The following LIM2 variants were observed in gnomAD, a reference collection of about 807,000 sequenced individuals.
The protein encoded by LIM2 is lens fiber membrane intrinsic protein.
A neutral mutation model predicts 19.0 loss-of-function variants in LIM2; 14 were observed. That is an observed-to-expected ratio of 0.74 (90% CI 0.49 to 1.15). The LOEUF is 1.15. LIM2 is among the 50% of genes most tolerant of loss of function. The probability of loss-of-function intolerance (pLI) is 0.00; values close to 1 mark genes in which losing one functional copy is unlikely to be tolerated. For missense variants in LIM2, 230 were observed against 243.5 expected (o/e 0.94, Z 0.37); for synonymous variants, 78 against 89.6 (o/e 0.87, Z 0.73).
At chr19:51,383,711 C>G (rs1328943885) in intron 2 of LIM2, among the ~76,000 whole-genome samples, 1 of 152,158 alleles carries the variant, frequency 6.6e-6, no homozygotes, top group Non-Finnish European at 1.5e-5. Context: ...CATTTTTATG[C>G]TTCTTTTTCA....
At position 51,387,469 on chromosome 19, in the gene LIM2, T is replaced by C; in HGVS notation, c.-6-20A>G. 6.2e-7 allele frequency: 1 copy of C among 1,612,400 alleles called. No homozygotes were observed. The highest frequency in any genetic ancestry group is 1.1e-5 in the South Asian group (1 of 90,998). ...GGTGATCTGTGGGGAAGGGGAGAGA[T>C]GGGATTGGGAGCTGAATTCCCGGGA... On this transcript the variant is annotated intron_variant, in intron 1 of 4. Transcript: ENST00000596399.
At chr19:51,383,831 T>C (rs1255816226) in intron 2 of LIM2, among the ~76,000 whole-genome samples, 3 of 152,196 alleles carry the variant, frequency 2.0e-5, no homozygotes, top group African/African-American at 4.8e-5. Flanking sequence ...CCTAACTGCT[T>C]GGCTATTCTG....
chr19:51,381,508 C>A, intron 3 of LIM2, among the ~76,000 whole-genome samples: 1 of 152,066 alleles, frequency 6.6e-6, no homozygotes, highest in East Asian at 1.9e-4. Flanking sequence ...CAGTGGCGCT[C>A]CCTATTGGTG....
At position 51,379,959 on chromosome 19, in the gene LIM2, T is replaced by C. The variant is rs946020668; in HGVS notation, c.*242A>G. The C allele has an allele frequency of 1.7e-6, 1 of 595,284 alleles. No individual in the cohort carries two copies. The highest frequency in any genetic ancestry group is 3.0e-6 in the Non-Finnish European group (1 of 334,368). 36.9% of individuals were successfully genotyped at this position (595,284 alleles called of 1,614,324 possible). On this transcript the variant is annotated 3_prime_UTR_variant, in exon 5 of 5. Coordinates refer to ENST00000596399, the MANE Select transcript of LIM2 (RefSeq NM_001161748.2). Reference sequence around the variant, plus strand: ...CCCAGAAAGTTGCTCTAATGGATAGTCCATTTTTCTAACAACCTGCCAGGC... The same window carrying C: ...CCCAGAAAGTTGCTCTAATGGATAGCCCATTTTTCTAACAACCTGCCAGGC...
chr19:51,383,583 G>A (rs61426483), intron 2 of LIM2, among the ~76,000 whole-genome samples: 1,955 of 152,228 alleles, frequency 0.013, 46 homozygotes, highest in African/African-American at 0.045. Context: ...GCCCAGGGAT[G>A]GCCCCTCAGG....
At chr19:51,383,758 T>C (rs1599862214) in intron 2 of LIM2, among the ~76,000 whole-genome samples, 1 of 152,310 alleles carries the variant, frequency 6.6e-6, no homozygotes, top group Non-Finnish European at 1.5e-5. Context: ...TAAAGTGACT[T>C]GCCCGAAGTC....
chr19:51,384,013 G>A (rs906747900), intron 2 of LIM2, among the ~76,000 whole-genome samples: 18 of 152,150 alleles, frequency 1.2e-4, no homozygotes, highest in Admixed American at 2.6e-4. Flanking sequence ...TCTGTCCCCC[G>A]CCTCAAATGT....
At chr19:51,380,327 G>A in intron 4 of LIM2, 65 bp from the exon 5 acceptor site, 1 of 1,590,358 alleles carries the variant, frequency 6.3e-7, no homozygotes, top group Non-Finnish European at 8.6e-7. Context: ...CACCCCAAGA[G>A]AGCCCAACAC....
intron 1 of LIM2, 97 bp downstream of exon 1, chr19:51,387,822 G>T (rs73562108): frequency 3.5e-6 from 1 of 287,778 alleles, no homozygotes; most frequent in Non-Finnish European, 6.7e-6. Context: ...AGGGGCTAGG[G>T]GGTAGGACAC....
rs1357272477 is a variant in LIM2 at position 51,387,302 on chromosome 19, C to T, written c.142G>A (p.Gly48Ser). Reference sequence around the variant, plus strand: ...TCTGTCTGCAGGTAGCACTTGTTGCCCAGGCAGTACCGCCACAGGCCCTGG... The same window carrying T: ...TCTGTCTGCAGGTAGCACTTGTTGCTCAGGCAGTACCGCCACAGGCCCTGG... ...AHQGLWRYCLGNKCYLQTDSI... is the reference protein window; with the variant it reads ...AHQGLWRYCLSNKCYLQTDSI... The change falls in exon 2 of 5, where the codon GGC becomes AGC. Residue 48 changes from glycine to serine, a missense_variant. Transcript: ENST00000596399. 1.2e-6 allele frequency: 2 copies of T among 1,614,148 alleles called. No homozygotes were observed. The highest frequency in any genetic ancestry group is 1.7e-6 in the Non-Finnish European group (2 of 1,180,036).
At position 51,380,516 on chromosome 19, in the gene LIM2, G is replaced by A. The variant is rs747800845; in HGVS notation, c.449C>T (p.Thr150Met). ...CTTGCCCCCAGTACCTGCGAAGAAC[G>A]TCATGAGCACTGCCACCCAGCCCAG... is the stretch of plus-strand genomic sequence containing the variant. ...YILGWVAVLM[T>M]FFAGIFYMCA... Residue 150 changes from threonine to methionine, a missense_variant, in exon 4 of 5, where the codon ACG becomes ATG. Coordinates refer to ENST00000596399, the MANE Select transcript of LIM2 (RefSeq NM_001161748.2). 28 of 1,614,014 alleles carry A rather than the reference G, an allele frequency of 1.7e-5. No individual in the cohort carries two copies. Among genetic ancestry groups the A allele is most frequent in the Middle Eastern group, 1.6e-4 (1 of 6,082 alleles).
intron 3 of LIM2, 100 bp downstream of exon 3, chr19:51,382,318 G>A: frequency 7.2e-7 from 1 of 1,388,382 alleles, no homozygotes; most frequent in Non-Finnish European, 1.0e-6. Context: ...GGTTGAGTGT[G>A]AGGAGGAGTA....
At chr19:51,387,516 G>T (rs756688215) in intron 1 of LIM2, 67 bp from the exon 2 acceptor site, 1 of 1,603,676 alleles carries the variant, frequency 6.2e-7, no homozygotes, top group Non-Finnish European at 8.5e-7. Context: ...GAACTGGGGG[G>T]AGAGAGGGCT....
chr19:51,387,529 G>A, intron 1 of LIM2, 80 bp from the exon 2 acceptor site: 15 of 1,587,960 alleles, frequency 9.4e-6, no homozygotes, highest in Non-Finnish European at 1.3e-5. Context: ...AGAGGGCTCA[G>A]GAGTGGGATG....
intron 4 of LIM2, 56 bp from the exon 5 acceptor site, chr19:51,380,318 A>C: frequency 1.3e-6 from 2 of 1,596,892 alleles, no homozygotes; most frequent in Non-Finnish European, 1.7e-6. Flanking sequence ...CTCCATTTCC[A>C]CCCCAAGAGA....
chr19:51,382,465 G>A lies in LIM2; in HGVS notation c.278C>T (p.Ser93Phe), dbSNP rs1267227291. The A allele has an allele frequency of 6.2e-7, 1 of 1,614,032 alleles. No homozygotes were observed. The highest frequency in any genetic ancestry group is 1.3e-5 in the African/African-American group (1 of 74,990). Residue 93 changes from serine (S) to phenylalanine (F), a missense_variant, in exon 3 of 5, where the codon TCC becomes TTC. By Grantham distance (155) the Ser-to-Phe change is radical (BLOSUM62 -2). Transcript: ENST00000596399. The stretch of plus-strand genomic sequence containing the variant: ...AGCAGAGAAGGGCCGGGAGATGCGG[G>A]AGAAGGTAGGCTGATGAGCGAAGGC... ...IMAFAHQPTF[S>F]RISRPFSAGI...
chr19:51,381,243 G>A (rs756407824), intron 3 of LIM2, among the ~76,000 whole-genome samples: 6 of 152,046 alleles, frequency 3.9e-5, no homozygotes, highest in South Asian at 4.1e-4. Flanking sequence ...ACTTGAACCC[G>A]GGAGGGGAGG....
intron 3 of LIM2, 84 bp downstream of exon 3, chr19:51,382,334 T>A: frequency 6.7e-7 from 1 of 1,485,914 alleles, no homozygotes; most frequent in East Asian, 2.3e-5. Flanking sequence ...GAGTAAGGGG[T>A]GAGAATGGTG....
intron 3 of LIM2, among the ~76,000 whole-genome samples, 163 bp from the exon 4 acceptor site, chr19:51,380,802 G>A (rs111369157): frequency 3.9e-5 from 6 of 152,126 alleles, no homozygotes; most frequent in Admixed American, 1.3e-4. Flanking sequence ...GTTGAAATTA[G>A]GGGTAAAGAT....
Sources: allele counts gnomAD v4.1 joint callset (sites outside exome capture counted in the v4.1 genomes callset), GRCh38; gene constraint gnomAD v4.1.1; transcripts MANE v1.5; gene names NCBI Gene and HGNC (gene_info 2026-07-23, HGNC 2026-07-21).